Variants in PLEKHG3 observed in about 807,000 individuals in gnomAD.
PLEKHG3 encodes the protein pleckstrin homology and RhoGEF domain containing G3.
A neutral mutation model predicts 94.9 loss-of-function variants in PLEKHG3; 62 were observed. The observed-to-expected ratio is 0.65, with a 90% CI of 0.53 to 0.81. The LOEUF (loss-of-function observed/expected upper bound fraction) is 0.81. Among genes scored for constraint, PLEKHG3 ranks in the 30% least tolerant of loss-of-function variants. The pLI is 0.00. For missense variants in PLEKHG3, 1,461 were observed against 1,619.3 expected, an observed-to-expected ratio of 0.90 and a Z score of 1.68; for synonymous variants, 614 against 654.0, an observed-to-expected ratio of 0.94 and a Z score of 0.93.
chr14:64,724,464 A>T (rs2081318478), intron 1 of PLEKHG3, among the ~76,000 whole-genome samples: 1 of 152,138 alleles, frequency 6.6e-6, no homozygotes, highest in South Asian at 2.1e-4. Context: ...TCATCCAAGA[A>T]GTTTATAGTC....
chr14:64,719,473 T>G (rs1323670922), intron 1 of PLEKHG3, among the ~76,000 whole-genome samples: 1 of 151,942 alleles, frequency 6.6e-6, no homozygotes, highest in African/African-American at 2.4e-5. Context: ...CATGAGGAAC[T>G]TGATGCTTGG....
At chr14:64,733,586 C>T (rs1158923765) in intron 12 of PLEKHG3, among the ~76,000 whole-genome samples, 4 of 152,186 alleles carry the variant, frequency 2.6e-5, no homozygotes, top group East Asian at 1.9e-4. Context: ...AGGAGTGACA[C>T]TTGGACATGG....
Position 64,742,247 on chromosome 14 carries a change from C to T in PLEKHG3, c.2730C>T (p.Leu910=). ...VAPLHPRIVQ[L]SHVMDSHVSE... ...CACTGCACCCCCGCATCGTGCAGCT[C>T]TCCCACGTAATGGACAGCCACGTGA... The change falls in exon 16 of 17, where the codon CTC becomes CTT. Residue 910 remains leucine, a synonymous_variant. Transcript: ENST00000247226. 1 of 1,613,140 alleles carries T rather than the reference C, an allele frequency of 6.2e-7. No individual in the cohort carries two copies. The highest frequency in any genetic ancestry group is 8.5e-7 in the Non-Finnish European group (1 of 1,180,044).
intron 12 of PLEKHG3, among the ~76,000 whole-genome samples, chr14:64,736,215 C>T (rs886283355): frequency 6.6e-6 from 1 of 152,236 alleles, no homozygotes; most frequent in African/African-American, 2.4e-5. Context: ...CAGGTGTATC[C>T]TCAAAAAGGC....
rs1015594268 is a variant in PLEKHG3, at chr14:64,720,006, T to G, written c.-39-7587T>G. On this transcript the variant is annotated intron_variant, in intron 1 of 16. Transcript: ENST00000247226. The surrounding 1 kb of genome is among the most constrained non-coding windows in gnomAD (Gnocchi z 4.1). ...TGGCTCTTCCGGTTTTGGGGCACAT[T>G]GCATAGTGACAAGTTGTGCTGGCAG... Among the ~76,000 whole-genome samples, 8 of 152,216 alleles carry G rather than the reference T, an allele frequency of 5.3e-5. No homozygotes were observed. Among genetic ancestry groups the G allele is most frequent in the African/African-American group, 1.9e-4 (8 of 41,456 alleles).
At chr14:64,711,389 C>A (rs1008392003) in intron 1 of PLEKHG3, among the ~76,000 whole-genome samples, 8 of 151,960 alleles carry the variant, frequency 5.3e-5, no homozygotes, top group Admixed American at 1.3e-4. Context: ...GGGTGTTTGC[C>A]TCAGTTGAAA....
In PLEKHG3 at chr14:64,742,325, G is replaced by A; in HGVS notation, c.2808G>A (p.Arg936=). The A allele has an allele frequency of 6.2e-7, 1 of 1,613,068 alleles. No individual in the cohort carries two copies. The highest frequency in any genetic ancestry group is 1.3e-5 in the African/African-American group (1 of 75,064). The change falls in exon 16 of 17, where the codon CGG becomes CGA. Residue 936 remains arginine, a synonymous_variant. Coordinates refer to ENST00000247226, the MANE Select transcript of PLEKHG3 (RefSeq NM_001308147.2). ...AGCTGGCCCGCCAGTACAGCCTCCG[G>A]ATCAAGAGCAACAAGCCAGTGATGG... ...VYQLARQYSL[R]IKSNKPVMAR... is the part of the protein sequence containing the mutation.
rs550370991 is a variant in PLEKHG3, at chr14:64,732,964, G to A, written c.1345+63G>A. The A allele has an allele frequency of 1.2e-3, 1,229 of 1,024,454 alleles. 16 individuals carry two copies. In the South Asian group the frequency reaches 0.016, roughly 13 times the overall value. 63.5% of individuals were successfully genotyped at this position (1,024,454 alleles called of 1,614,324 possible). On this transcript the variant is annotated intron_variant, in intron 12 of 16. Coordinates refer to ENST00000247226, the MANE Select transcript of PLEKHG3 (RefSeq NM_001308147.2). The surrounding 1 kb of genome is among the most constrained non-coding windows in gnomAD (Gnocchi z 4.9). ...CACACCCTTGCCCAGACTGGGGACC[G>A]TCTGCGGCAGTGTCCAGGGCTGTGG...
At chr14:64,712,432 A>C (rs557926078) in intron 1 of PLEKHG3, among the ~76,000 whole-genome samples, 1 of 152,188 alleles carries the variant, frequency 6.6e-6, no homozygotes, top group South Asian at 2.1e-4. Flanking sequence ...TGCCATATTA[A>C]CAATGTTAAA....
rs931508539 is a variant in PLEKHG3 at position 64,749,105 on chromosome 14, C to T, written c.*5402C>T. Reference sequence around the variant, plus strand: ...GCCCCTGTCCCTGGAGCGGAGCCAGCGCGGGCGAGGGCATGGAGGGGGCGT... The same window carrying T: ...GCCCCTGTCCCTGGAGCGGAGCCAGTGCGGGCGAGGGCATGGAGGGGGCGT... On this transcript the variant is annotated 3_prime_UTR_variant, in exon 17 of 17. Coordinates refer to ENST00000247226, the MANE Select transcript of PLEKHG3 (RefSeq NM_001308147.2). The surrounding 1 kb of genome is among the most constrained non-coding windows in gnomAD (Gnocchi z 4.7). The T allele has an allele frequency of 3.7e-5, 20 of 542,448 alleles. No homozygotes were observed. Among genetic ancestry groups the T allele is most frequent in the South Asian group, 1.3e-4 (6 of 47,372 alleles). The allele number at this position is 542,448 out of a possible 1,614,324, so 33.6% of individuals were successfully genotyped here. A position where few individuals can be genotyped will look rare whatever the true frequency, so the allele number is the denominator to read the frequency against.
intron 1 of PLEKHG3, among the ~76,000 whole-genome samples, chr14:64,712,178 T>C (rs185655372): frequency 6.6e-6 from 1 of 152,370 alleles, no homozygotes; most frequent in Non-Finnish European, 1.5e-5. Flanking sequence ...TCTCTTTCAT[T>C]GATCTATATG....
intron 1 of PLEKHG3, among the ~76,000 whole-genome samples, chr14:64,712,258 T>C (rs1279650088): frequency 6.6e-6 from 1 of 152,206 alleles, no homozygotes; most frequent in African/African-American, 2.4e-5. Flanking sequence ...AATCAGGTTG[T>C]ATCAGCCCCC....
In PLEKHG3 at chr14:64,738,707, G is replaced by T; in HGVS notation, c.1405-35G>T. 1 of 1,405,198 alleles carries T rather than the reference G, an allele frequency of 7.1e-7. No homozygotes were observed. The highest frequency in any genetic ancestry group is 1.2e-5 in the South Asian group (1 of 81,320). 87.0% of individuals were successfully genotyped at this position (1,405,198 alleles called of 1,614,324 possible). On this transcript the variant is annotated intron_variant, in intron 14 of 16. Transcript: ENST00000247226. This position sits in a 1 kb window ranked among gnomAD's most constrained non-coding sequence, Gnocchi z 4.8. ...ATGCAGAAGGGATCAGCTTCCAGTT[G>T]TCTTGGAGTTGATGACTGACCTCTA...
chr14:64,717,865 G>A lies in PLEKHG3; in HGVS notation c.-39-9728G>A, dbSNP rs145872882. ...TTTTTAGGGCACATTCTGACACCTC[G>A]TCTCATGGAGCCCCATTTCCACGTG... On this transcript the variant is annotated intron_variant, in intron 1 of 16. Coordinates refer to ENST00000247226, the MANE Select transcript of PLEKHG3 (RefSeq NM_001308147.2). The surrounding 1 kb of genome is among the most constrained non-coding windows in gnomAD (Gnocchi z 4.7). Among the ~76,000 whole-genome samples, 21 of 152,210 alleles carry A rather than the reference G, an allele frequency of 1.4e-4. No individual in the cohort carries two copies. Among genetic ancestry groups the A allele is most frequent in the African/African-American group, 5.1e-4 (21 of 41,456 alleles).
In PLEKHG3 at chr14:64,731,680, C is replaced by G. The variant is rs1438017724; in HGVS notation, c.1033-34C>G. 1.3e-6 allele frequency: 2 copies of G among 1,569,780 alleles called. No homozygotes were observed. The highest frequency in any genetic ancestry group is 1.8e-6 in the Non-Finnish European group (2 of 1,139,748). On this transcript the variant is annotated intron_variant, in intron 8 of 16. Transcript: ENST00000247226. The surrounding 1 kb of genome is among the most constrained non-coding windows in gnomAD (Gnocchi z 6.1). ...CTCCCTGCTTCCCCAGGCTGTCAAC[C>G]TTGTGCTTGACTGTCCTTTCCCTCT...
At position 64,716,651 on chromosome 14, in the gene PLEKHG3, G is replaced by A. The variant is rs567932783; in HGVS notation, c.-39-10942G>A. Among the ~76,000 whole-genome samples, 2 of 152,206 alleles carry A rather than the reference G, an allele frequency of 1.3e-5. No individual in the cohort carries two copies. Among genetic ancestry groups the A allele is most frequent in the African/African-American group, 2.4e-5 (1 of 41,524 alleles). On this transcript the variant is annotated intron_variant, in intron 1 of 16. Transcript: ENST00000247226. This position sits in a 1 kb window ranked among gnomAD's most constrained non-coding sequence, Gnocchi z 5.0. ...AAACCAAGCGTCAGCTGGTAGAGCA[G>A]TTGAAAGGAGGTTATTCCCCTGCCC...
chr14:64,715,991 C>G lies in PLEKHG3; in HGVS notation c.-40+11287C>G, dbSNP rs1396973390. On this transcript the variant is annotated intron_variant, in intron 1 of 16. Coordinates refer to ENST00000247226, the MANE Select transcript of PLEKHG3 (RefSeq NM_001308147.2). This position sits in a 1 kb window ranked among gnomAD's most constrained non-coding sequence, Gnocchi z 4.4. ...GTTGGTGGCAGCTCGCTGCTCACCC[C>G]AAGCCTGTTAACTGCTAGGTTGCCG... The G allele has an allele frequency of 2.2e-6, 1 of 455,366 alleles. No individual in the cohort carries two copies. The highest frequency in any genetic ancestry group is 4.4e-6 in the Non-Finnish European group (1 of 226,766). The allele number at this position is 455,366 out of a possible 1,614,324, so 28.2% of individuals were successfully genotyped here. A position where few individuals can be genotyped will look rare whatever the true frequency, so the allele number is the denominator to read the frequency against.
chr14:64,737,743 C>CT (rs1371772368), intron 14 of PLEKHG3: 1 of 431,398 alleles, frequency 2.3e-6, no homozygotes, highest in East Asian at 8.2e-5. Flanking sequence ...CCAGTGGCAA[C>CT]CTGAGTTGGG....
rs2081243018 is a variant in PLEKHG3 at position 64,720,404 on chromosome 14, G to C, written c.-39-7189G>C. Among the ~76,000 whole-genome samples, 1 of 152,188 alleles carries C rather than the reference G, an allele frequency of 6.6e-6. No individual in the cohort carries two copies. On this transcript the variant is annotated intron_variant, in intron 1 of 16. Coordinates refer to ENST00000247226, the MANE Select transcript of PLEKHG3 (RefSeq NM_001308147.2). The surrounding 1 kb of genome is among the most constrained non-coding windows in gnomAD (Gnocchi z 4.1). ...GAGACTCATTAGGCTAGGAGGAACT[G>C]GCTTTGGTCTTGACCTCACCCACTG...
Sources: gnomAD v4.1 joint callset for allele counts (sites outside exome capture counted in the v4.1 genomes callset) on GRCh38, gnomAD v4.1.1 for gene constraint, Gnocchi (gnomAD v3.1) non-coding constraint, MANE v1.5 for transcripts, NCBI Gene and HGNC (gene_info 2026-07-23, HGNC 2026-07-21) for gene names.